TLR7: variants seen among roughly 807,000 people sequenced by gnomAD.
TLR7 encodes toll-like receptor 7.
In TLR7, 12 loss-of-function variants were observed where a neutral mutation model predicts 38.3. That is an observed-to-expected ratio of 0.31 (90% CI 0.20 to 0.51). The LOEUF is 0.51. Among genes scored for constraint, TLR7 ranks in the 20% least tolerant of loss-of-function variants. TLR7 has a pLI of 0.98. For synonymous variants in TLR7, 285 were observed against 293.8 expected, an observed-to-expected ratio of 0.97 and a Z score of 0.31; for missense variants, 504 against 743.4, an observed-to-expected ratio of 0.68 and a Z score of 3.74.
At chrX:12,872,108 C>G (rs891813248) in intron 2 of TLR7, among the ~76,000 whole-genome samples, 1 of 111,548 alleles carries the variant, frequency 9.0e-6, no homozygotes, top group Non-Finnish European at 1.9e-5. Context: ...GGAGGACTCT[C>G]CATTTTCTCC....
At chrX:12,870,385 T>C (rs5743726) in intron 2 of TLR7, among the ~76,000 whole-genome samples, 1,251 of 112,240 alleles carry the variant, frequency 0.011, 22 homozygotes, top group African/African-American at 0.038. Context: ...AAAGTAAAAA[T>C]ATTATTCTGC....
At chrX:12,880,474 T>C in intron 2 of TLR7, among the ~76,000 whole-genome samples, 1 of 112,010 alleles carries the variant, frequency 8.9e-6, no homozygotes, top group South Asian at 3.8e-4. Context: ...AGAAGGTTTT[T>C]TGAAGAAAGT....
At position 12,886,880 on chromosome X, in the gene TLR7, C is replaced by G; in HGVS notation, c.1372C>G (p.Gln458Glu). ...AACTTCTGTAGAAAGTTATGAACCC[C>G]AGGTCCTGGAACAATTACATTATTT... ...ARTSVESYEP[Q>E]VLEQLHYFRY... is the part of the protein sequence containing the mutation. Residue 458 changes from glutamine to glutamate, a missense_variant, in exon 3 of 3, where the codon CAG (glutamine) becomes GAG (glutamate). Coordinates refer to ENST00000380659, the MANE Select transcript of TLR7 (RefSeq NM_016562.4). 8.3e-7 allele frequency: 1 copy of G among 1,208,236 alleles called. No individual in the cohort carries two copies.
At chrX:12,882,989 C>T (rs1412799705) in intron 2 of TLR7, among the ~76,000 whole-genome samples, 1 of 111,703 alleles carries the variant, frequency 9.0e-6, no homozygotes, top group Non-Finnish European at 1.9e-5. Context: ...GGCAGCATTA[C>T]CAATTGCCTC....
At chrX:12,868,374 T>C (rs1569106256) in intron 2 of TLR7, among the ~76,000 whole-genome samples, 1 of 111,671 alleles carries the variant, frequency 9.0e-6, no homozygotes, top group Non-Finnish European at 1.9e-5. Flanking sequence ...CTTAGCAGGA[T>C]TCCTGCTTGA....
Position 12,885,459 on chromosome X carries a change from T to G in TLR7, c.4-53T>G, listed in dbSNP as rs753063866. ...GAGGCAGCAAATGGGAATTTTTAAT[T>G]CTGATTCTTGGTATGTTTTAGAACA... On this transcript the variant is annotated intron_variant, in intron 2 of 2. Coordinates refer to ENST00000380659, the MANE Select transcript of TLR7 (RefSeq NM_016562.4). 14 of 1,065,212 alleles carry G rather than the reference T, an allele frequency of 1.3e-5. No individual in the cohort carries two copies. In the East Asian group the frequency reaches 3.4e-4, roughly 26 times the overall value. The allele number at this position is 1,065,212 out of a possible 1,213,427, so 87.8% of individuals were successfully genotyped here. A position where few individuals can be genotyped will look rare whatever the true frequency, so the allele number is the denominator to read the frequency against.
chrX:12,873,579 AC>A (rs1321571311), intron 2 of TLR7, among the ~76,000 whole-genome samples: 2 of 111,872 alleles, frequency 1.8e-5, no homozygotes, highest in African/African-American at 6.5e-5. Context: ...TTAATAAAAA[AC>A]AATACATATT....
In TLR7 at chrX:12,886,414, T is replaced by G. The variant is rs1192439264; in HGVS notation, c.906T>G (p.Leu302=). 2 of 1,210,233 alleles carry G rather than the reference T, an allele frequency of 1.7e-6. No individual in the cohort carries two copies. The highest frequency in any genetic ancestry group is 3.5e-5 in the African/African-American group (2 of 57,272). The change falls in exon 3 of 3, where the codon CTT becomes CTG. Residue 302 remains leucine, a synonymous_variant. Coordinates refer to ENST00000380659, the MANE Select transcript of TLR7 (RefSeq NM_016562.4). The part of the protein sequence containing the change: ...LKVLRLHSNS[L]QHVPPRWFKN... ...TTTTACGTCTACACAGTAACTCTCT[T>G]CAGCATGTGCCCCCAAGATGGTTTA...
intron 2 of TLR7, among the ~76,000 whole-genome samples, chrX:12,882,212 G>A (rs2042895077): frequency 8.9e-6 from 1 of 111,829 alleles, no homozygotes; most frequent in Non-Finnish European, 1.9e-5. Flanking sequence ...CAATGGTAGA[G>A]ACTTTGGATT....
intron 2 of TLR7, among the ~76,000 whole-genome samples, chrX:12,880,132 G>T (rs1410655367): frequency 9.0e-6 from 1 of 110,991 alleles, no homozygotes; most frequent in East Asian, 2.8e-4. Flanking sequence ...CAGAGACTTT[G>T]TGTCTCCTGC....
intron 2 of TLR7, among the ~76,000 whole-genome samples, chrX:12,869,382 A>G (rs1315036699): frequency 8.9e-6 from 1 of 111,760 alleles, no homozygotes; most frequent in African/African-American, 3.3e-5. Flanking sequence ...TGTGGCACAT[A>G]TACACCATGG....
At chrX:12,869,206 T>C (rs1485567541) in intron 2 of TLR7, among the ~76,000 whole-genome samples, 1 of 111,623 alleles carries the variant, frequency 9.0e-6, no homozygotes, top group Admixed American at 9.5e-5. Flanking sequence ...GTATATCTTT[T>C]CTAAGAAAAG....
At chrX:12,881,228 A>AAAT (rs61216010) in intron 2 of TLR7, among the ~76,000 whole-genome samples, 3,975 of 98,718 alleles carry the variant, frequency 0.04, 179 homozygotes, top group African/African-American at 0.11. Context: ...ACTCAGTCTC[A>AAAT]AATAATAATA....
At chrX:12,869,830 C>CAAAA (rs34022797) in intron 2 of TLR7, among the ~76,000 whole-genome samples, 3 of 51,441 alleles carry the variant, frequency 5.8e-5, no homozygotes, top group East Asian at 7.2e-4. Context: ...TGCAGCCAGG[C>CAAAA]AAAAAAAAAA....
At chrX:12,867,223 T>C (rs887298204) in intron 1 of TLR7, 100 bp downstream of exon 1, 6 of 157,682 alleles carry the variant, frequency 3.8e-5, no homozygotes, top group Non-Finnish European at 7.2e-5. Flanking sequence ...CGAAATCATA[T>C]GCACAAAAAT....
At chrX:12,880,149 T>C (rs2042886313) in intron 2 of TLR7, among the ~76,000 whole-genome samples, 1 of 111,678 alleles carries the variant, frequency 9.0e-6, no homozygotes, top group African/African-American at 3.3e-5. Context: ...CTGCTCCTAG[T>C]AGGCATCCAA....
At chrX:12,881,542 T>G (rs868177084) in intron 2 of TLR7, among the ~76,000 whole-genome samples, 2 of 98,520 alleles carry the variant, frequency 2.0e-5, no homozygotes, top group East Asian at 5.7e-4. Flanking sequence ...TAATAAATAA[T>G]AAATGAGTTA....
At chrX:12,874,560 A>G (rs1035813140) in intron 2 of TLR7, among the ~76,000 whole-genome samples, 2 of 111,165 alleles carry the variant, frequency 1.8e-5, no homozygotes, top group African/African-American at 6.6e-5. Flanking sequence ...TACACCAACC[A>G]TTAGAGTCAT....
At chrX:12,868,676 G>A (rs932787080) in intron 2 of TLR7, among the ~76,000 whole-genome samples, 1 of 111,595 alleles carries the variant, frequency 9.0e-6, no homozygotes, top group Non-Finnish European at 1.9e-5. Flanking sequence ...TATTAGGTAT[G>A]CCAAAACTTA....
Sources: allele counts gnomAD v4.1 joint callset (sites outside exome capture counted in the v4.1 genomes callset), GRCh38; gene constraint gnomAD v4.1.1; transcripts MANE v1.5; gene names NCBI Gene and HGNC (gene_info 2026-07-23, HGNC 2026-07-21).